The following LRPPRC variants were observed in gnomAD, a reference collection of about 807,000 sequenced individuals.
The protein encoded by LRPPRC is leucine-rich PPR motif-containing protein, mitochondrial.
A neutral mutation model predicts 180.3 loss-of-function variants in LRPPRC; 120 were observed. The ratio of observed to expected loss-of-function variants is 0.67; its 90% CI spans 0.57 to 0.77. The LOEUF (loss-of-function observed/expected upper bound fraction) is 0.77. Ranked by LOEUF, LRPPRC falls within the 30% of genes least tolerant of loss-of-function variation. The pLI is 0.00. For synonymous variants in LRPPRC, 723 were observed against 600.0 expected (o/e 1.21, Z -3.00); for missense variants, 2,012 against 1,657.2 (o/e 1.21, Z -3.72).
intron 30 of LRPPRC, among the ~76,000 whole-genome samples, chr2:43,911,858 G>A (rs889923461): frequency 3.8e-4 from 58 of 151,914 alleles, no homozygotes; most frequent in Admixed American, 1.9e-3. Flanking sequence ...AAAACAACAC[G>A]AAAGGAGGGG....
At chr2:43,978,537 C>T (rs191377524) in intron 3 of LRPPRC, among the ~76,000 whole-genome samples, 1 of 152,024 alleles carries the variant, frequency 6.6e-6, no homozygotes, top group East Asian at 1.9e-4. Context: ...ATATTTCTCC[C>T]AGTTCAATGA....
At chr2:43,947,923 T>C in intron 18 of LRPPRC, 148 bp from the exon 19 acceptor site, 2 of 662,632 alleles carry the variant, frequency 3.0e-6, no homozygotes, top group Non-Finnish European at 5.4e-6. Flanking sequence ...ACTTTATTAA[T>C]CAATGTAATT....
In LRPPRC at chr2:43,958,913, T is replaced by C. The variant is rs754604675; in HGVS notation, c.1583-1462A>G. 1.6e-4 allele frequency: 48 copies of C among 303,920 alleles called. No individual in the cohort carries two copies. In the East Asian group the frequency reaches 2.2e-3, roughly 14 times the overall value. 18.8% of individuals were successfully genotyped at this position (303,920 alleles called of 1,614,324 possible). A position where few individuals can be genotyped will look rare whatever the true frequency, so the allele number is the denominator to read the frequency against. ...AATACTTGGCAAACTTCTTGGCATTTTTCTTTTTTAAATCTAATAAACAAC... is the reference window on the plus strand; with the variant it reads ...AATACTTGGCAAACTTCTTGGCATTCTTCTTTTTTAAATCTAATAAACAAC... On this transcript the variant is annotated intron_variant, in intron 13 of 37. Transcript: ENST00000260665.
intron 27 of LRPPRC, among the ~76,000 whole-genome samples, chr2:43,920,279 G>A (rs764157669): frequency 5.3e-5 from 8 of 151,970 alleles, no homozygotes; most frequent in Admixed American, 6.6e-5. Flanking sequence ...GAGATTACAG[G>A]TGCGCGCCAG....
At position 43,947,373 on chromosome 2, in the gene LRPPRC, A is replaced by G. The variant is rs1303229529; in HGVS notation, c.1966-3T>C. 6.8e-7 allele frequency: 1 copy of G among 1,460,922 alleles called. No homozygotes were observed. The highest frequency in any genetic ancestry group is 1.1e-5 in the South Asian group (1 of 87,674). The allele number at this position is 1,460,922 out of a possible 1,614,324, so 90.5% of individuals were successfully genotyped here. On this transcript the variant is annotated splice_polypyrimidine_tract_variant and splice_region_variant and intron_variant, in intron 19 of 37. Transcript: ENST00000260665. ...TCAGATGATGTAAGTTGCACAGTCT[A>G]CAGAAAAGAAAAAAGAAAAGAAAAA...
In LRPPRC at chr2:43,963,578, T is replaced by G. The variant is rs747568038; in HGVS notation, c.1488+10A>C. The G allele has an allele frequency of 2.1e-6, 3 of 1,461,472 alleles. No homozygotes were observed. In the South Asian group the frequency reaches 3.4e-5, roughly 17 times the overall value. The allele number at this position is 1,461,472 out of a possible 1,614,324, so 90.5% of individuals were successfully genotyped here. A position where few individuals can be genotyped will look rare whatever the true frequency, so the allele number is the denominator to read the frequency against. ...TTCAATTATTAAATTAAAACCACAC[T>G]TGTACTCACCTGCAAAATGGCTCGT... On this transcript the variant is annotated intron_variant, in intron 12 of 37. Transcript: ENST00000260665.
At chr2:43,957,275 ATGTACACTG>A (rs1673156164) in intron 14 of LRPPRC, 101 bp downstream of exon 14, 3 of 810,834 alleles carry the variant, frequency 3.7e-6, no homozygotes, top group African/African-American at 3.4e-5. Flanking sequence ...GGTAAACTGA[ATGTACACTG>A]AAAGATAAGA....
chr2:43,947,650 TGG>T (rs1672738026), intron 19 of LRPPRC, 79 bp downstream of exon 19: 14 of 885,514 alleles, frequency 1.6e-5, no homozygotes, highest in Non-Finnish European at 2.5e-5. Flanking sequence ...GAGGAATCAC[TGG>T]TTTTATAAGT....
intron 30 of LRPPRC, among the ~76,000 whole-genome samples, chr2:43,908,467 C>G (rs1558917539): frequency 6.6e-6 from 1 of 152,042 alleles, no homozygotes; most frequent in African/African-American, 2.4e-5. Flanking sequence ...TCAAGTGTAT[C>G]TGTAACACAT....
At position 43,948,107 on chromosome 2, in the gene LRPPRC, C is replaced by G. The variant is rs764336993; in HGVS notation, c.1920+15G>C. On this transcript the variant is annotated intron_variant, in intron 18 of 37. Transcript: ENST00000260665. ...GTTAAGCATTTTATCCAGTTGATTG[C>G]TATTTCACACACACCTTAATCAATT... is the stretch of plus-strand genomic sequence containing the variant. 6.7e-7 allele frequency: 1 copy of G among 1,489,308 alleles called. No individual in the cohort carries two copies. The highest frequency in any genetic ancestry group is 9.4e-7 in the Non-Finnish European group (1 of 1,067,368). The allele number at this position is 1,489,308 out of a possible 1,614,324, so 92.3% of individuals were successfully genotyped here.
chr2:43,904,083 C>T (rs1431158526), intron 31 of LRPPRC, among the ~76,000 whole-genome samples: 2 of 152,080 alleles, frequency 1.3e-5, no homozygotes, highest in Non-Finnish European at 2.9e-5. Flanking sequence ...GCTAGAACTA[C>T]AGGTGCACAT....
chr2:43,951,327 T>C (rs1049553449), intron 14 of LRPPRC, among the ~76,000 whole-genome samples: 1 of 152,180 alleles, frequency 6.6e-6, no homozygotes, highest in Non-Finnish European at 1.5e-5. Context: ...TTCCAAGGAA[T>C]CTTAACTTGC....
chr2:43,953,090 G>T (rs1672968859), intron 14 of LRPPRC, among the ~76,000 whole-genome samples: 1 of 152,112 alleles, frequency 6.6e-6, no homozygotes, highest in South Asian at 2.1e-4. Context: ...CAATGCCTCG[G>T]CCTGAAAAAC....
At chr2:43,921,806 A>G (rs1406053345) in intron 27 of LRPPRC, among the ~76,000 whole-genome samples, 2 of 152,232 alleles carry the variant, frequency 1.3e-5, no homozygotes, top group African/African-American at 4.8e-5. Context: ...AGAAATGTAA[A>G]TGGCTATACA....
At chr2:43,925,011 C>A in intron 27 of LRPPRC, 56 bp downstream of exon 27, 1 of 1,028,154 alleles carries the variant, frequency 9.7e-7, no homozygotes. Context: ...TACTCCTTTC[C>A]TGCCACTGCC....
chr2:43,888,318 G>T lies in LRPPRC; in HGVS notation c.*282C>A. On this transcript the variant is annotated 3_prime_UTR_variant, in exon 38 of 38. Transcript: ENST00000260665. ...TTAATGAAATAAATGAAACAGAGCAGGGAAACCAAAGAGCCAATTAGGGGA... is the reference window on the plus strand; with the variant it reads ...TTAATGAAATAAATGAAACAGAGCATGGAAACCAAAGAGCCAATTAGGGGA... 2.8e-6 allele frequency: 1 copy of T among 359,588 alleles called. No individual in the cohort carries two copies. The allele number at this position is 359,588 out of a possible 1,614,324, so 22.3% of individuals were successfully genotyped here.
intron 13 of LRPPRC, chr2:43,958,894 T>C (rs1241597659): frequency 3.8e-6 from 1 of 263,980 alleles, no homozygotes; most frequent in African/African-American, 2.2e-5. Flanking sequence ...CTCAAATACT[T>C]GGCAAACTTC....
In LRPPRC at chr2:43,974,271, A is replaced by C; in HGVS notation, c.1034T>G (p.Leu345Ter). 1 of 1,611,938 alleles carries C rather than the reference A, an allele frequency of 6.2e-7. No homozygotes were observed. Among genetic ancestry groups the C allele is most frequent in the Non-Finnish European group, 8.5e-7 (1 of 1,177,962 alleles). The change falls in exon 9 of 38, where the codon TTA (leucine) becomes TGA (stop). Residue 345 changes from leucine (L) to a stop codon, truncating the protein, a stop_gained. Coordinates refer to ENST00000260665, the MANE Select transcript of LRPPRC (RefSeq NM_133259.4). LOFTEE classifies it high-confidence loss of function. Reference protein sequence around the residue: ...IPDAMNLILLLVTEKLEDVAL... With the variant: ...IPDAMNLILL ...TACATCTTCCAATTTTTCAGTGACT[A>C]AAAGTAAAATGAGGTTCATTGCATC... is the stretch of plus-strand genomic sequence containing the variant.
intron 30 of LRPPRC, among the ~76,000 whole-genome samples, chr2:43,912,123 G>A (rs1411292579): frequency 6.6e-6 from 1 of 152,144 alleles, no homozygotes; most frequent in African/African-American, 2.4e-5. Context: ...AAGGTACATG[G>A]ATTTAGATGT....
Sources: allele counts gnomAD v4.1 joint callset (sites outside exome capture counted in the v4.1 genomes callset), GRCh38; gene constraint gnomAD v4.1.1; transcripts MANE v1.5; gene names NCBI Gene and HGNC (gene_info 2026-07-23, HGNC 2026-07-21).